FAM83B: variants seen among roughly 807,000 people sequenced by gnomAD.
The protein encoded by FAM83B is protein FAM83B.
A neutral mutation model predicts 38.8 loss-of-function variants in FAM83B; 26 were observed. That is an observed-to-expected ratio of 0.67 (90% confidence interval 0.49 to 0.93). The LOEUF (loss-of-function observed/expected upper bound fraction) is 0.93. Ranked by LOEUF, FAM83B falls within the 40% of genes least tolerant of loss-of-function variation. The probability of loss-of-function intolerance (pLI) is 0.00; values close to 1 mark genes in which losing one functional copy is unlikely to be tolerated. For synonymous variants in FAM83B, 419 were observed against 423.1 expected, an observed-to-expected ratio of 0.99 and a Z score of 0.12; for missense variants, 1,237 against 1,197.3, an observed-to-expected ratio of 1.03 and a Z score of -0.49.
intron 1 of FAM83B, among the ~76,000 whole-genome samples, chr6:54,858,550 T>C (rs114659584): frequency 0.014 from 2,139 of 151,404 alleles, 41 homozygotes; most frequent in African/African-American, 0.048. Context: ...ATAACCATAA[T>C]TTATTTAAAC....
chr6:54,877,075 T>C (rs1772014239), intron 2 of FAM83B, among the ~76,000 whole-genome samples: 1 of 152,018 alleles, frequency 6.6e-6, no homozygotes, highest in Non-Finnish European at 1.5e-5. Context: ...TCCAGAGGGG[T>C]AGAAATTAGC....
At chr6:54,879,787 T>A (rs996289165) in intron 2 of FAM83B, among the ~76,000 whole-genome samples, 18 of 152,126 alleles carry the variant, frequency 1.2e-4, no homozygotes, top group African/African-American at 3.6e-4. Context: ...GTGTTTTGGT[T>A]AGTTAACACA....
intron 2 of FAM83B, among the ~76,000 whole-genome samples, chr6:54,908,204 T>A (rs1158772237): frequency 1.3e-5 from 2 of 152,066 alleles, no homozygotes; most frequent in East Asian, 3.9e-4. Context: ...ATTCTACTGA[T>A]AGAAGTTGTA....
At chr6:54,927,388 T>C in intron 3 of FAM83B, 120 bp from the exon 4 acceptor site, 2 of 713,432 alleles carry the variant, frequency 2.8e-6, no homozygotes, top group Non-Finnish European at 4.2e-6. Context: ...TGGGAGTTTT[T>C]TTTTTAATTA....
At chr6:54,937,851 G>A (rs1773557765) in intron 4 of FAM83B, among the ~76,000 whole-genome samples, 1 of 152,010 alleles carries the variant, frequency 6.6e-6, no homozygotes, top group South Asian at 2.1e-4. Flanking sequence ...AAAATACACA[G>A]CAAATTTTTC....
chr6:54,869,910 A>G (rs1581889701), intron 1 of FAM83B, among the ~76,000 whole-genome samples: 1 of 152,282 alleles, frequency 6.6e-6, no homozygotes. Flanking sequence ...ATGGCTGGGT[A>G]GGCATTGATT....
At position 54,944,049 on chromosome 6, in the gene FAM83B, C is replaced by G. The variant is rs1196895023; in HGVS notation, c.*2042C>G. ...CTTTGCACAGCAGATTTATTTTTCT[C>G]TGCGTTTTTTAAAAATTGTTTTTCT... On this transcript the variant is annotated 3_prime_UTR_variant, in exon 5 of 5. Transcript: ENST00000306858. The G allele has an allele frequency of 2.0e-5, 3 of 152,122 alleles. No individual in the cohort carries two copies. Among genetic ancestry groups the G allele is most frequent in the African/African-American group, 7.2e-5 (3 of 41,428 alleles). The allele number at this position is 152,122 out of a possible 1,614,324, so 9.4% of individuals were successfully genotyped here.
chr6:54,925,821 C>T (rs1308819720), intron 2 of FAM83B, among the ~76,000 whole-genome samples: 8 of 152,076 alleles, frequency 5.3e-5, no homozygotes, highest in Non-Finnish European at 8.8e-5. Flanking sequence ...GGTCCTGGAA[C>T]CATTCCCCCA....
intron 2 of FAM83B, among the ~76,000 whole-genome samples, chr6:54,876,922 T>TA (rs1469822430): frequency 1.3e-5 from 2 of 152,170 alleles, no homozygotes; most frequent in African/African-American, 4.8e-5. Context: ...TGGTTTAAAA[T>TA]AAAAACCAAA....
intron 1 of FAM83B, among the ~76,000 whole-genome samples, chr6:54,867,084 CT>C (rs887368572): frequency 5.8e-4 from 84 of 145,310 alleles, no homozygotes; most frequent in Admixed American, 9.7e-4. Flanking sequence ...ATAGTGATAT[CT>C]TTTTTTTTTT....
chr6:54,910,211 C>G (rs1772873646), intron 2 of FAM83B, among the ~76,000 whole-genome samples: 1 of 152,088 alleles, frequency 6.6e-6, no homozygotes, highest in Non-Finnish European at 1.5e-5. Flanking sequence ...TGGATTCTAT[C>G]CAACAATCAA....
Position 54,945,052 on chromosome 6 carries a change from G to A in FAM83B, c.*3045G>A, listed in dbSNP as rs1773772377. ...GAAATATTCTTCCAAATGAACTTTT[G>A]TTTTTAGATCAATAAATGAATAATA... On this transcript the variant is annotated 3_prime_UTR_variant, in exon 5 of 5. Transcript: ENST00000306858. 1 of 151,938 alleles carries A rather than the reference G, an allele frequency of 6.6e-6. No homozygotes were observed. The highest frequency in any genetic ancestry group is 1.5e-5 in the Non-Finnish European group (1 of 67,970). The allele number at this position is 151,938 out of a possible 1,614,324, so 9.4% of individuals were successfully genotyped here.
intron 4 of FAM83B, among the ~76,000 whole-genome samples, chr6:54,931,289 T>A (rs902045365): frequency 6.6e-6 from 1 of 152,142 alleles, no homozygotes; most frequent in African/African-American, 2.4e-5. Context: ...TCTCTATGTG[T>A]TTGTTAGGTG....
intron 2 of FAM83B, among the ~76,000 whole-genome samples, chr6:54,917,281 G>T (rs992243127): frequency 6.6e-6 from 1 of 152,122 alleles, no homozygotes; most frequent in Non-Finnish European, 1.5e-5. Flanking sequence ...CTCTCAGGCT[G>T]TGTGGTTAAT....
rs781136622 is a variant in FAM83B at position 54,941,045 on chromosome 6, C to A, written c.2074C>A (p.Arg692=). The stretch of plus-strand genomic sequence containing the variant: ...TGTATATAGTACACTTACCAGGAAT[C>A]GAGTTAGACAACCAGAAAAGCCCAA... ...HYVYSTLTRN[R]VRQPEKPKED... is the part of the protein sequence containing the mutation. The change falls in exon 5 of 5, where the codon CGA becomes AGA. Residue 692 remains arginine (R), a synonymous_variant. Transcript: ENST00000306858. 1.2e-6 allele frequency: 2 copies of A among 1,613,596 alleles called. No individual in the cohort carries two copies. Among genetic ancestry groups the A allele is most frequent in the Middle Eastern group, 1.7e-4 (1 of 6,060 alleles).
In FAM83B at chr6:54,927,339, T is replaced by C. The variant is rs201531178; in HGVS notation, c.610-169T>C. 7.2e-5 allele frequency among the ~76,000 whole-genome samples: 11 copies of C among 152,226 alleles called. No individual in the cohort carries two copies. In the East Asian group the frequency reaches 2.1e-3, roughly 29 times the overall value. ...CTCCTATTTAAGCTATATTGAAATG[T>C]ATATTTTAAATGATTATTTTCATTA... On this transcript the variant is annotated intron_variant, in intron 3 of 4. Transcript: ENST00000306858.
chr6:54,847,724 T>C (rs573126582), intron 1 of FAM83B, among the ~76,000 whole-genome samples: 4 of 152,226 alleles, frequency 2.6e-5, no homozygotes, highest in African/African-American at 9.6e-5. Context: ...GCTTTCTTTA[T>C]AGGAGGAGGC....
chr6:54,871,461 G>C (rs910473331), intron 2 of FAM83B, among the ~76,000 whole-genome samples: 3 of 151,376 alleles, frequency 2.0e-5, no homozygotes, highest in Non-Finnish European at 4.4e-5. Flanking sequence ...GCTCACACCT[G>C]TAATCCCAGC....
intron 2 of FAM83B, among the ~76,000 whole-genome samples, chr6:54,914,603 G>A (rs1181409494): frequency 6.6e-6 from 1 of 152,038 alleles, no homozygotes; most frequent in Non-Finnish European, 1.5e-5. Flanking sequence ...CAGGGTTGTT[G>A]GGCATTGCTG....
Sources: gnomAD v4.1 joint callset for allele counts (sites outside exome capture counted in the v4.1 genomes callset) on GRCh38, gnomAD v4.1.1 for gene constraint, MANE v1.5 for transcripts, NCBI Gene and HGNC (gene_info 2026-07-23, HGNC 2026-07-21) for gene names.